The following GSE1 variants were observed in gnomAD, a reference collection of about 807,000 sequenced individuals.
The protein encoded by GSE1 is Gse1 coiled-coil protein.
GSE1 carries 32 observed loss-of-function variants against 112.6 expected under a neutral mutation model. The ratio of observed to expected loss-of-function variants is 0.28; its 90% CI spans 0.21 to 0.38. The LOEUF (loss-of-function observed/expected upper bound fraction) is 0.38, where lower values mean the gene tolerates loss of function less well. Ranked by LOEUF, GSE1 falls within the 10% of genes least tolerant of loss-of-function variation. The probability of loss-of-function intolerance (pLI) is 1.00; values close to 1 mark genes in which losing one functional copy is unlikely to be tolerated. For synonymous variants in GSE1, 1,115 were observed against 735.6 expected (o/e 1.52, Z -8.35); for missense variants, 2,348 against 1,699.2 (o/e 1.38, Z -6.71).
chr16:85,542,704 C>T (rs1215662604), intron 2 of GSE1, among the ~76,000 whole-genome samples: 2 of 152,224 alleles, frequency 1.3e-5, no homozygotes, highest in Non-Finnish European at 2.9e-5. Context: ...GACTGATGGT[C>T]GTGAAGCCCG....
chr16:85,499,295 C>CTTTTTTTTTTTTTT (rs568776401), intron 2 of GSE1, among the ~76,000 whole-genome samples: 3 of 77,162 alleles, frequency 3.9e-5, no homozygotes, highest in African/African-American at 1.5e-4. Context: ...GGAAAGTCAC[C>CTTTTTTTTTTTTTT]TTTTTTTTTT....
intron 1 of GSE1, among the ~76,000 whole-genome samples, chr16:85,329,882 G>T (rs898587208): frequency 3.6e-5 from 5 of 137,268 alleles, no homozygotes; most frequent in African/African-American, 1.3e-4. Flanking sequence ...AAAGGGCCAG[G>T]CATCAGGGGC....
chr16:85,231,970 G>T (rs1418918813), intron 1 of GSE1, among the ~76,000 whole-genome samples: 1 of 152,220 alleles, frequency 6.6e-6, no homozygotes, highest in Non-Finnish European at 1.5e-5. Flanking sequence ...CGCCATGAAT[G>T]CCAGTGTTGG....
chr16:85,480,267 T>A (rs2018338), intron 2 of GSE1, among the ~76,000 whole-genome samples: 10,294 of 152,246 alleles, frequency 0.068, 449 homozygotes, highest in East Asian at 0.17. Flanking sequence ...TGAGAGGCAG[T>A]GTTTCGATGG....
At chr16:85,179,574 G>A (rs114306394) in intron 1 of GSE1, among the ~76,000 whole-genome samples, 12 of 152,130 alleles carry the variant, frequency 7.9e-5, no homozygotes, top group African/African-American at 2.2e-4. Flanking sequence ...CTGTTTTCCC[G>A]TTGGGGGTTT....
At chr16:85,339,793 G>T (rs1396178639) in intron 1 of GSE1, among the ~76,000 whole-genome samples, 1 of 152,032 alleles carries the variant, frequency 6.6e-6, no homozygotes, top group Admixed American at 6.6e-5. Context: ...TTCATTTTTG[G>T]TGACTTTCGT....
At chr16:85,635,576 G>T (rs1178181350) in intron 2 of GSE1, among the ~76,000 whole-genome samples, 1 of 152,200 alleles carries the variant, frequency 6.6e-6, no homozygotes, top group Non-Finnish European at 1.5e-5. Context: ...GTCGAGACTC[G>T]GGCTCTCCTG....
chr16:85,252,921 G>A (rs1248459070), intron 1 of GSE1, among the ~76,000 whole-genome samples: 3 of 152,170 alleles, frequency 2.0e-5, no homozygotes, highest in South Asian at 2.1e-4. Flanking sequence ...AGGGGCCTTC[G>A]TGGAGCTGAC....
chr16:85,625,409 C>T (rs957468403), intron 1 of GSE1, among the ~76,000 whole-genome samples: 1 of 152,218 alleles, frequency 6.6e-6, no homozygotes, highest in Non-Finnish European at 1.5e-5. Context: ...CAGAATGCAA[C>T]CTCAGCATCC....
chr16:85,317,367 C>T (rs567940876), intron 1 of GSE1, among the ~76,000 whole-genome samples: 1 of 152,284 alleles, frequency 6.6e-6, no homozygotes, highest in African/African-American at 2.4e-5. Flanking sequence ...GTGCTGTGCA[C>T]ACCACGCTTC....
intron 1 of GSE1, among the ~76,000 whole-genome samples, chr16:85,237,406 C>T (rs993701844): frequency 5.3e-5 from 8 of 152,128 alleles, no homozygotes; most frequent in African/African-American, 1.9e-4. Context: ...GAGCTGAGCA[C>T]GGTGCCCGCT....
Position 85,663,493 on chromosome 16 carries a change from G to C in GSE1, c.2523G>C (p.Pro841=), listed in dbSNP as rs756231554. ...TIQSKRQTPS[P]RLALSTRYSP... Reference sequence around the variant, plus strand: ...AGAGCAAGCGGCAGACGCCTTCACCGAGACTGGCGCTGTCTACCCGCTACA... The same window carrying C: ...AGAGCAAGCGGCAGACGCCTTCACCCAGACTGGCGCTGTCTACCCGCTACA... The change falls in exon 11 of 16, where the codon CCG becomes CCC. Residue 841 remains proline, a synonymous_variant. Transcript: ENST00000253458. The C allele has an allele frequency of 1.2e-6, 2 of 1,613,920 alleles. No individual in the cohort carries two copies. The highest frequency in any genetic ancestry group is 3.3e-5 in the Admixed American group (2 of 60,028).
intron 1 of GSE1, among the ~76,000 whole-genome samples, chr16:85,348,212 CCATCTAT>C (rs1272453800): frequency 6.6e-6 from 1 of 151,938 alleles, no homozygotes; most frequent in Non-Finnish European, 1.5e-5. Context: ...ATCTGTCCAC[CCATCTAT>C]CATCCATCCA....
intron 1 of GSE1, among the ~76,000 whole-genome samples, chr16:85,222,592 C>A (rs972078182): frequency 8.2e-4 from 125 of 152,328 alleles, no homozygotes; most frequent in African/African-American, 2.9e-3. Context: ...AGCCATGCAC[C>A]AACATCTCTT....
chr16:85,607,277 C>T (rs777314996), upstream of GSE1, among the ~76,000 whole-genome samples: 1 of 151,950 alleles, frequency 6.6e-6, no homozygotes, highest in Non-Finnish European at 1.5e-5. Context: ...AGCTGGGGGG[C>T]GGTTGGTAGC....
rs1215376222 is a variant in GSE1, at chr16:85,408,516, A to AG, written c.2464+50875dup. The stretch of plus-strand genomic sequence containing the variant: ...CTGGATAATCCTCACTGTTACACTC[A>AG]GGCCCCCTGGATAATCCTCACTGTT... On this transcript the variant is annotated intron_variant, in intron 2 of 2. Coordinates refer to the GSE1 transcript ENST00000637419. Among the ~76,000 whole-genome samples, 6 of 41,212 alleles carry AG rather than the reference A, an allele frequency of 1.5e-4. 1 individual carries two copies. The highest frequency in any genetic ancestry group is 2.7e-4 in the Non-Finnish European group (6 of 22,342). The allele number at this position is 41,212 out of a possible 152,430, so 27.0% of individuals were successfully genotyped here. A position where few individuals can be genotyped will look rare whatever the true frequency, so the allele number is the denominator to read the frequency against.
At chr16:85,471,305 G>A (rs1021006037) in intron 2 of GSE1, among the ~76,000 whole-genome samples, 6 of 152,228 alleles carry the variant, frequency 3.9e-5, no homozygotes, top group Non-Finnish European at 8.8e-5. Context: ...TGAGGATTTC[G>A]TAGCTCCAAC....
intron 1 of GSE1, among the ~76,000 whole-genome samples, chr16:85,233,893 G>C (rs1192664627): frequency 6.6e-6 from 1 of 152,062 alleles, no homozygotes; most frequent in Non-Finnish European, 1.5e-5. Context: ...TTCTGTCCCA[G>C]GGCCCTCCTA....
At chr16:85,633,278 C>T (rs1351915484) in intron 1 of GSE1, among the ~76,000 whole-genome samples, 1 of 152,214 alleles carries the variant, frequency 6.6e-6, no homozygotes, top group East Asian at 1.9e-4. Flanking sequence ...CCCTCTCAGA[C>T]AGAGACGCAC....
Sources: gnomAD v4.1 joint callset for allele counts (sites outside exome capture counted in the v4.1 genomes callset) on GRCh38, gnomAD v4.1.1 for gene constraint, MANE v1.5 for transcripts, NCBI Gene and HGNC (gene_info 2026-07-23, HGNC 2026-07-21) for gene names.